SLCO2B1: variants seen among roughly 807,000 people sequenced by gnomAD.
SLCO2B1 encodes solute carrier organic anion transporter family member 2B1.
In SLCO2B1, 41 loss-of-function variants were observed where a neutral mutation model predicts 67.3. That is an observed-to-expected ratio of 0.61 (90% CI 0.47 to 0.79). The LOEUF is 0.79. Ranked by LOEUF, SLCO2B1 falls within the 30% of genes least tolerant of loss-of-function variation. The pLI is 0.00. For synonymous variants in SLCO2B1, 379 were observed against 381.4 expected, an observed-to-expected ratio of 0.99 and a Z score of 0.07; for missense variants, 837 against 920.1, an observed-to-expected ratio of 0.91 and a Z score of 1.17.
chr11:75,175,668 G>T (rs1950014465), intron 7 of SLCO2B1, among the ~76,000 whole-genome samples: 1 of 152,032 alleles, frequency 6.6e-6, no homozygotes. Context: ...GCTCTGACAG[G>T]TTCAAGGCCA....
At chr11:75,151,445 G>A in intron 1 of SLCO2B1, 48 bp downstream of exon 1, 2 of 1,605,416 alleles carry the variant, frequency 1.2e-6, no homozygotes, top group Non-Finnish European at 1.7e-6. Flanking sequence ...AAGCCTGGGG[G>A]ACATGTTCCC....
chr11:75,154,615 C>T (rs1195301270), intron 1 of SLCO2B1, among the ~76,000 whole-genome samples: 1 of 152,236 alleles, frequency 6.6e-6, no homozygotes, highest in Non-Finnish European at 1.5e-5. Flanking sequence ...TTGAGCCCTC[C>T]ACTGGTAACA....
chr11:75,183,449 A>G (rs1950111801), intron 7 of SLCO2B1, among the ~76,000 whole-genome samples: 2 of 152,240 alleles, frequency 1.3e-5, no homozygotes, highest in African/African-American at 4.8e-5. Flanking sequence ...GTTTCCTTCA[A>G]ATCACACCAC....
chr11:75,186,773 C>T (rs1191974958), intron 7 of SLCO2B1, among the ~76,000 whole-genome samples: 2 of 152,222 alleles, frequency 1.3e-5, no homozygotes, highest in African/African-American at 4.8e-5. Context: ...GTGCCCATAG[C>T]AACTTCTCCA....
intron 7 of SLCO2B1, among the ~76,000 whole-genome samples, chr11:75,182,799 T>C (rs779138623): frequency 1.2e-4 from 18 of 151,536 alleles, no homozygotes; most frequent in Non-Finnish European, 2.2e-4. Context: ...GCAGACGACA[T>C]TGTGGTTGTT....
At chr11:75,159,110 T>C (rs1328930850) in intron 1 of SLCO2B1, among the ~76,000 whole-genome samples, 2 of 152,202 alleles carry the variant, frequency 1.3e-5, no homozygotes, top group Non-Finnish European at 2.9e-5. Context: ...TGCAGGCAGG[T>C]GGCTGACTGA....
In SLCO2B1 at chr11:75,206,536, A is replaced by C. The variant is rs1945279382; in HGVS notation, c.*1956A>C. 6.6e-6 allele frequency: 1 copy of C among 152,244 alleles called. No homozygotes were observed. Among genetic ancestry groups the C allele is most frequent in the Non-Finnish European group, 1.5e-5 (1 of 68,042 alleles). 9.4% of individuals were successfully genotyped at this position (152,244 alleles called of 1,614,324 possible). A position where few individuals can be genotyped will look rare whatever the true frequency, so the allele number is the denominator to read the frequency against. The stretch of plus-strand genomic sequence containing the variant: ...TTATAGAAGAGGAAACTGGCTCAGA[A>C]AGCACAAGTGACTTCCCCAAGATCA... On this transcript the variant is annotated 3_prime_UTR_variant, in exon 14 of 14. Coordinates refer to ENST00000289575, the MANE Select transcript of SLCO2B1 (RefSeq NM_007256.5).
intron 7 of SLCO2B1, among the ~76,000 whole-genome samples, chr11:75,174,697 G>A (rs1950003260): frequency 6.6e-6 from 1 of 152,206 alleles, no homozygotes; most frequent in South Asian, 2.1e-4. Flanking sequence ...GAAATTCCTA[G>A]AACTTAAAGG....
chr11:75,197,008 C>T (rs2140341832), intron 10 of SLCO2B1, among the ~76,000 whole-genome samples: 1 of 152,264 alleles, frequency 6.6e-6, no homozygotes, highest in Non-Finnish European at 1.5e-5. Flanking sequence ...CCCAGCTACT[C>T]AGGAGGCTGA....
chr11:75,159,743 C>G, intron 1 of SLCO2B1: 1 of 650,252 alleles, frequency 1.5e-6, no homozygotes, highest in Non-Finnish European at 1.9e-6. Flanking sequence ...CTTCCCTCCC[C>G]TGCCCAGAGG....
chr11:75,164,294 C>T (rs1436007116), intron 3 of SLCO2B1, among the ~76,000 whole-genome samples, 194 bp downstream of exon 3: 1 of 152,118 alleles, frequency 6.6e-6, no homozygotes, highest in Non-Finnish European at 1.5e-5. Context: ...GGCTGTCTCC[C>T]CTTGGGAACC....
At chr11:75,163,568 T>C (rs754645312) in intron 2 of SLCO2B1, among the ~76,000 whole-genome samples, 25 of 151,740 alleles carry the variant, frequency 1.6e-4, no homozygotes, top group Non-Finnish European at 2.8e-4. Flanking sequence ...GCTCTGAGAG[T>C]CAGAGGGGCT....
At chr11:75,194,053 G>A (rs964280573) in intron 9 of SLCO2B1, among the ~76,000 whole-genome samples, 6 of 152,308 alleles carry the variant, frequency 3.9e-5, no homozygotes, top group Admixed American at 1.3e-4. Flanking sequence ...AGGCTGCAGA[G>A]GGGACTCAGG....
chr11:75,174,738 A>C lies in SLCO2B1; in HGVS notation c.972+2169A>C, dbSNP rs569790973. On this transcript the variant is annotated intron_variant, in intron 7 of 13. Coordinates refer to ENST00000289575, the MANE Select transcript of SLCO2B1 (RefSeq NM_007256.5). ...TGATGTTTATAAAGGAAAGAGAGAG[A>C]GCCTATATTGCTGGTTACAGATGAT... 5.3e-5 allele frequency among the ~76,000 whole-genome samples: 8 copies of C among 152,296 alleles called. No individual in the cohort carries two copies. The East Asian group carries it at 1.5e-3, about 29-fold the overall frequency.
chr11:75,179,196 GTA>G (rs1266328974), intron 7 of SLCO2B1, among the ~76,000 whole-genome samples: 3 of 136,276 alleles, frequency 2.2e-5, no homozygotes, highest in African/African-American at 8.4e-5. Flanking sequence ...GCATAGGTGG[GTA>G]TGTTTATTGG....
chr11:75,159,697 G>A lies in SLCO2B1; in HGVS notation c.17-2958G>A, dbSNP rs115798376. On this transcript the variant is annotated intron_variant, in intron 1 of 13. Transcript: ENST00000289575. ...CCAGCTGACCCCCAATACATGACTC[G>A]TGCTCCTCTCAGAACCCGGAGGAAT... 1,114 of 235,538 alleles carry A rather than the reference G, an allele frequency of 4.7e-3. 8 individuals carry two copies. The highest frequency in any genetic ancestry group is 0.024 in the African/African-American group (1,051 of 43,402). The allele number at this position is 235,538 out of a possible 1,614,324, so 14.6% of individuals were successfully genotyped here.
chr11:75,175,234 A>C (rs1342502428), intron 7 of SLCO2B1, among the ~76,000 whole-genome samples: 1 of 152,026 alleles, frequency 6.6e-6, no homozygotes, highest in African/African-American at 2.4e-5. Flanking sequence ...TTGATGTGGG[A>C]GGAATTGTTC....
chr11:75,174,738 A>G (rs569790973), intron 7 of SLCO2B1, among the ~76,000 whole-genome samples: 2 of 152,178 alleles, frequency 1.3e-5, no homozygotes, highest in Non-Finnish European at 2.9e-5. Flanking sequence ...AAAGAGAGAG[A>G]GCCTATATTG....
At chr11:75,202,804 G>T in intron 11 of SLCO2B1, 97 bp from the exon 12 acceptor site, 1 of 1,047,778 alleles carries the variant, frequency 9.5e-7, no homozygotes. Flanking sequence ...TGGGTGGTGG[G>T]AGAGAAGGGC....
Sources: gnomAD v4.1 joint callset for allele counts (sites outside exome capture counted in the v4.1 genomes callset) on GRCh38, gnomAD v4.1.1 for gene constraint, MANE v1.5 for transcripts, NCBI Gene and HGNC (gene_info 2026-07-23, HGNC 2026-07-21) for gene names.